Variants in RNF24 observed in about 807,000 individuals in gnomAD.
The protein encoded by RNF24 is ring finger protein 24.
A neutral mutation model predicts 20.0 loss-of-function variants in RNF24; 14 were observed. That is an observed-to-expected ratio of 0.70 (90% confidence interval 0.46 to 1.10). The LOEUF (loss-of-function observed/expected upper bound fraction) is 1.10. RNF24 is among the 50% of genes least tolerant of loss of function. The pLI, the probability that RNF24 is intolerant of heterozygous loss-of-function variation, is 0.00. For synonymous variants in RNF24, 45 were observed against 61.1 expected, an observed-to-expected ratio of 0.74 and a Z score of 1.23; for missense variants, 124 against 177.6, an observed-to-expected ratio of 0.70 and a Z score of 1.71.
intron 2 of RNF24, among the ~76,000 whole-genome samples, chr20:3,955,933 C>A (rs2091136720): frequency 6.6e-6 from 1 of 151,854 alleles, no homozygotes; most frequent in Non-Finnish European, 1.5e-5. Flanking sequence ...TCAGATTGTT[C>A]ATTGTTGATG....
At chr20:3,939,462 C>A (rs1373697604) in intron 4 of RNF24, among the ~76,000 whole-genome samples, 1 of 152,108 alleles carries the variant, frequency 6.6e-6, no homozygotes, top group Admixed American at 6.5e-5. Context: ...TATTCTTTTC[C>A]CACTGAATTG....
chr20:3,945,584 G>A (rs1011124866), intron 3 of RNF24, among the ~76,000 whole-genome samples: 11 of 152,104 alleles, frequency 7.2e-5, no homozygotes, highest in African/African-American at 1.9e-4. Context: ...ATGTGGTGGC[G>A]CCTGCCTATA....
At position 3,933,683 on chromosome 20, in the gene RNF24, A is replaced by C; in HGVS notation, c.*380T>G. On this transcript the variant is annotated 3_prime_UTR_variant, in exon 6 of 6. Coordinates refer to ENST00000358395, the MANE Select transcript of RNF24 (RefSeq NM_001134337.3). ...AAAGGCCTGCATGGCCTACAGAGAA[A>C]CCCATCCATCCGCAGGTGGGGGTGT... The C allele has an allele frequency of 5.7e-6, 1 of 174,292 alleles. No homozygotes were observed. 10.8% of individuals were successfully genotyped at this position (174,292 alleles called of 1,614,324 possible). A position where few individuals can be genotyped will look rare whatever the true frequency, so the allele number is the denominator to read the frequency against.
intron 1 of RNF24, among the ~76,000 whole-genome samples, chr20:4,004,445 T>C (rs1166207830): frequency 1.3e-5 from 2 of 152,144 alleles, no homozygotes; most frequent in Non-Finnish European, 2.9e-5. Flanking sequence ...AAAAGATATG[T>C]CCATTTCTTA....
chr20:3,982,456 A>G (rs554515634), intron 1 of RNF24, among the ~76,000 whole-genome samples: 44 of 151,796 alleles, frequency 2.9e-4, no homozygotes, highest in Admixed American at 2.6e-3. Context: ...GCGTGCCTGT[A>G]ATCCCAGCTA....
chr20:3,974,569 C>T (rs757231395), intron 1 of RNF24, among the ~76,000 whole-genome samples: 1 of 151,864 alleles, frequency 6.6e-6, no homozygotes, highest in Non-Finnish European at 1.5e-5. Context: ...TGCAGGATAC[C>T]AGATATACAT....
At chr20:3,976,560 A>T (rs1038142558) in intron 1 of RNF24, among the ~76,000 whole-genome samples, 5 of 152,248 alleles carry the variant, frequency 3.3e-5, no homozygotes, top group African/African-American at 1.2e-4. Flanking sequence ...CTATGTTCAC[A>T]TACAAACCTC....
chr20:4,008,691 C>A (rs903778482), intron 1 of RNF24, among the ~76,000 whole-genome samples: 3 of 149,656 alleles, frequency 2.0e-5, no homozygotes, highest in Non-Finnish European at 4.4e-5. Context: ...GGATTACAGG[C>A]ACCCGCCACC....
At chr20:4,007,635 T>C (rs568456142) in intron 1 of RNF24, among the ~76,000 whole-genome samples, 2 of 150,042 alleles carry the variant, frequency 1.3e-5, no homozygotes, top group South Asian at 4.2e-4. Flanking sequence ...CTGGGCATGG[T>C]GGCTCCTGCC....
At chr20:4,010,502 T>C (rs1982376423) in intron 1 of RNF24, among the ~76,000 whole-genome samples, 1 of 152,220 alleles carries the variant, frequency 6.6e-6, no homozygotes, top group Non-Finnish European at 1.5e-5. Context: ...AACAATATAT[T>C]TGTCACATTT....
intron 1 of RNF24, among the ~76,000 whole-genome samples, chr20:3,967,547 G>A (rs1466716333): frequency 6.6e-6 from 1 of 152,158 alleles, no homozygotes; most frequent in Non-Finnish European, 1.5e-5. Context: ...ATGCCTACAT[G>A]ACCTGAGTTT....
rs896537145 is a variant in RNF24, at chr20:3,931,882, A to G, written c.*2181T>C. On this transcript the variant is annotated 3_prime_UTR_variant, in exon 6 of 6. Transcript: ENST00000358395. ...CCAGTGCTACGTATCAACCCCCTCA[A>G]CATGCCTGTGGCTCTGACACGGGGG... 3.3e-5 allele frequency: 5 copies of G among 152,178 alleles called. No individual in the cohort carries two copies. The highest frequency in any genetic ancestry group is 1.2e-4 in the African/African-American group (5 of 41,438). 9.4% of individuals were successfully genotyped at this position (152,178 alleles called of 1,614,324 possible).
chr20:3,944,141 C>A (rs571049732), intron 4 of RNF24, among the ~76,000 whole-genome samples: 2 of 145,278 alleles, frequency 1.4e-5, no homozygotes, highest in African/African-American at 5.1e-5. Flanking sequence ...GCCCAGGAGG[C>A]GGAGTTTGTA....
At chr20:3,998,816 C>T (rs1981141042) in intron 1 of RNF24, among the ~76,000 whole-genome samples, 1 of 151,092 alleles carries the variant, frequency 6.6e-6, no homozygotes, top group Non-Finnish European at 1.5e-5. Context: ...TGTGGTGGCT[C>T]ACACCTGTAA....
rs1176268920 is a variant in RNF24, at chr20:3,932,538, TCTC to T, written c.*1522_*1524del. 5.7e-6 allele frequency: 1 copy of T among 174,630 alleles called. No homozygotes were observed. Among genetic ancestry groups the T allele is most frequent in the South Asian group, 2.0e-4 (1 of 5,044 alleles). 10.8% of individuals were successfully genotyped at this position (174,630 alleles called of 1,614,324 possible). A position where few individuals can be genotyped will look rare whatever the true frequency, so the allele number is the denominator to read the frequency against. On this transcript the variant is annotated 3_prime_UTR_variant, in exon 6 of 6. Coordinates refer to ENST00000358395, the MANE Select transcript of RNF24 (RefSeq NM_001134337.3). Reference sequence around the variant, plus strand: ...CCATCTGAACCAAGGACAGGTTCCTTCTCCTAAGAGGACAGAGGTTGGATTCCA... The same window carrying T: ...CCATCTGAACCAAGGACAGGTTCCTTCTAAGAGGACAGAGGTTGGATTCCA...
At chr20:3,995,826 CT>C (rs887689992) in intron 1 of RNF24, among the ~76,000 whole-genome samples, 11 of 147,098 alleles carry the variant, frequency 7.5e-5, no homozygotes, top group East Asian at 2.0e-4. Flanking sequence ...TTTGGTTCTG[CT>C]TTTTTTTTTC....
At chr20:3,968,569 G>C (rs1478125072) in intron 1 of RNF24, among the ~76,000 whole-genome samples, 2 of 152,198 alleles carry the variant, frequency 1.3e-5, no homozygotes, top group Non-Finnish European at 2.9e-5. Context: ...AGTGAGCTAT[G>C]ATATCACTGC....
At chr20:3,949,561 G>A (rs530156790) in intron 2 of RNF24, among the ~76,000 whole-genome samples, 6 of 152,054 alleles carry the variant, frequency 3.9e-5, no homozygotes, top group African/African-American at 1.4e-4. Context: ...CGTGTGGCCT[G>A]TGGTCCCAGC....
At chr20:3,946,236 G>A (rs567700188) in intron 3 of RNF24, among the ~76,000 whole-genome samples, 2 of 152,254 alleles carry the variant, frequency 1.3e-5, no homozygotes, top group African/African-American at 4.8e-5. Context: ...GGAGGCCGAG[G>A]TGGGCGGACT....
Sources: gnomAD v4.1 joint callset for allele counts (sites outside exome capture counted in the v4.1 genomes callset) on GRCh38, gnomAD v4.1.1 for gene constraint, MANE v1.5 for transcripts, NCBI Gene and HGNC (gene_info 2026-07-23, HGNC 2026-07-21) for gene names.